Variants in DNAH7 observed in about 807,000 individuals in gnomAD.
DNAH7 encodes the protein dynein axonemal heavy chain 7, also known as axonemal beta dynein heavy chain 7.
Under a neutral mutation model 444.6 loss-of-function variants are expected in DNAH7, and 397 were observed. The ratio of observed to expected loss-of-function variants is 0.89; its 90% CI spans 0.82 to 0.97. The LOEUF (loss-of-function observed/expected upper bound fraction) is 0.97. Ranked by LOEUF, DNAH7 falls within the 50% of genes least tolerant of loss-of-function variation. DNAH7 has a pLI of 0.00. For missense variants in DNAH7, 4,902 were observed against 4,800.8 expected (o/e 1.02, Z -0.62); for synonymous variants, 1,636 against 1,624.4 (o/e 1.01, Z -0.17).
In DNAH7 at chr2:195,738,057, G is replaced by GTCT. The variant is rs780577995; in HGVS notation, c.11936_11938dup (p.Lys3979dup). 1 of 1,614,004 alleles carries GTCT rather than the reference G, an allele frequency of 6.2e-7. No homozygotes were observed. The highest frequency in any genetic ancestry group is 1.1e-5 in the South Asian group (1 of 91,080). On this transcript the variant is annotated inframe_insertion, in exon 65 of 65. Coordinates refer to ENST00000312428, the MANE Select transcript of DNAH7 (RefSeq NM_018897.3). ...GGATAATACTCCTCTCCGCTCACTT[G>GTCT]TCTTATACAATGGAGCAACATAACT...
intron 22 of DNAH7, among the ~76,000 whole-genome samples, chr2:195,924,570 G>C: frequency 6.6e-6 from 1 of 151,608 alleles, no homozygotes. Context: ...CTCCAGCCTG[G>C]GTGACAGAGC....
chr2:195,991,135 G>GAA (rs1693312345), intron 12 of DNAH7, among the ~76,000 whole-genome samples: 1 of 151,360 alleles, frequency 6.6e-6, no homozygotes, highest in Non-Finnish European at 1.5e-5. Context: ...CTTTTTTCTG[G>GAA]CTGTTTTTTA....
chr2:195,855,937 C>T lies in DNAH7; in HGVS notation c.8469G>A (p.Glu2823=). ...KKIKLAAAEG[E]LKIAMDGLRK... ...TAAGACCATCCATGGCAATTTTAAGCTCCCCTTCAGCTGCAGCCAGTTTTA... is the reference window on the plus strand; with the variant it reads ...TAAGACCATCCATGGCAATTTTAAGTTCCCCTTCAGCTGCAGCCAGTTTTA... Residue 2823 remains glutamate (E), a synonymous_variant, in exon 45 of 65, where the codon GAG becomes GAA. Coordinates refer to ENST00000312428, the MANE Select transcript of DNAH7 (RefSeq NM_018897.3). 4 of 1,613,966 alleles carry T rather than the reference C, an allele frequency of 2.5e-6. No individual in the cohort carries two copies. The highest frequency in any genetic ancestry group is 1.1e-5 in the South Asian group (1 of 91,050).
chr2:195,970,482 C>T (rs1691768630), intron 16 of DNAH7, among the ~76,000 whole-genome samples: 1 of 151,866 alleles, frequency 6.6e-6, no homozygotes, highest in Non-Finnish European at 1.5e-5. Flanking sequence ...CAATTTTTAC[C>T]TATGCTATTT....
intron 21 of DNAH7, among the ~76,000 whole-genome samples, chr2:195,932,677 C>A (rs1248405187): frequency 2.6e-5 from 4 of 152,170 alleles, no homozygotes; most frequent in Non-Finnish European, 5.9e-5. Context: ...TTGAGATAAT[C>A]ATGTGGTTTT....
At chr2:195,904,353 C>T (rs1454662412) in intron 27 of DNAH7, 2 of 152,506 alleles carry the variant, frequency 1.3e-5, no homozygotes, top group Non-Finnish European at 2.9e-5. Flanking sequence ...AAAGAGGAGG[C>T]TTAGAGGAGC....
intron 40 of DNAH7, among the ~76,000 whole-genome samples, chr2:195,869,119 G>A (rs774553609): frequency 2.0e-5 from 3 of 151,904 alleles, no homozygotes; most frequent in Admixed American, 6.6e-5. Context: ...GAGTGAAAGT[G>A]AAGAAAAGGG....
intron 6 of DNAH7, among the ~76,000 whole-genome samples, chr2:196,027,445 GTTA>G (rs1055067099): frequency 4.0e-5 from 6 of 151,680 alleles, no homozygotes; most frequent in Non-Finnish European, 5.9e-5. Context: ...TTTAAAACAA[GTTA>G]TTATTTCTAT....
At chr2:196,056,693 G>T (rs867568411) in intron 2 of DNAH7, among the ~76,000 whole-genome samples, 5 of 152,200 alleles carry the variant, frequency 3.3e-5, no homozygotes, top group Admixed American at 6.5e-5. Flanking sequence ...GTTGCCTACT[G>T]TGCTAATCAA....
intron 2 of DNAH7, among the ~76,000 whole-genome samples, 174 bp from the exon 3 acceptor site, chr2:196,051,423 A>G (rs1334777535): frequency 2.0e-5 from 3 of 152,236 alleles, no homozygotes; most frequent in Admixed American, 2.0e-4. Flanking sequence ...TGTTTTCTTT[A>G]GAGCAAGAAA....
chr2:195,853,667 G>T, intron 45 of DNAH7, 139 bp from the exon 46 acceptor site: 1 of 787,062 alleles, frequency 1.3e-6, no homozygotes, highest in South Asian at 2.2e-5. Flanking sequence ...CTATGATATA[G>T]GAAAGTCCAT....
chr2:195,870,215 T>C (rs1700592438), intron 40 of DNAH7, among the ~76,000 whole-genome samples: 1 of 152,194 alleles, frequency 6.6e-6, no homozygotes, highest in African/African-American at 2.4e-5. Flanking sequence ...GCTATTCTCA[T>C]AAAGTTTCTA....
Position 196,026,777 on chromosome 2 carries a change from C to T in DNAH7, c.650G>A (p.Ser217Asn), listed in dbSNP as rs867637985. 3 of 1,610,052 alleles carry T rather than the reference C, an allele frequency of 1.9e-6. No individual in the cohort carries two copies. Among genetic ancestry groups the T allele is most frequent in the Non-Finnish European group, 1.7e-6 (2 of 1,177,452 alleles). The stretch of plus-strand genomic sequence containing the variant: ...CAATTTACCTATGGATTTCCTTACA[C>T]TAAGAAGATAATCCTCTCTCATTTC... ...SDEMREDYLL[S>N]VRKSIVDFVL... Residue 217 changes from serine (S) to asparagine (N), a missense_variant, in exon 7 of 65, where the codon AGT becomes AAT. Ser to Asn is a conservative substitution (Grantham distance 46). Transcript: ENST00000312428.
chr2:195,972,249 C>A lies in DNAH7; in HGVS notation c.2051G>T (p.Gly684Val), dbSNP rs1186031930. Reference sequence around the variant, plus strand: ...AATATCTAAGATGCCAACCTTCAGACCTTCTTGATATTGTTCTATTTTCTC... The same window carrying A: ...AATATCTAAGATGCCAACCTTCAGAACTTCTTGATATTGTTCTATTTTCTC... ...IKEKIEQYQE[G>V]LKLRCERFVE... Residue 684 changes from glycine (G) to valine (V), a missense_variant, in exon 16 of 65, where the codon GGT becomes GTT. Physicochemically the swap from Gly to Val is moderately radical, Grantham distance 109. Transcript: ENST00000312428. 1.2e-6 allele frequency: 2 copies of A among 1,612,612 alleles called. No individual in the cohort carries two copies. Among genetic ancestry groups the A allele is most frequent in the African/African-American group, 2.7e-5 (2 of 74,978 alleles).
rs141043059 is a variant in DNAH7 at position 195,914,004 on chromosome 2, G to A, written c.3936-3809C>T. ...GCTGAGATTACAGGCGCGAGCCACC[G>A]TGCCAAGTCGCAGATCTTTTATTAA... On this transcript the variant is annotated intron_variant, in intron 24 of 64. Transcript: ENST00000312428. Among the ~76,000 whole-genome samples, 152 of 152,270 alleles carry A rather than the reference G, an allele frequency of 1.0e-3. 1 individual carries two copies. The highest frequency in any genetic ancestry group is 5.8e-4 in the East Asian group (3 of 5,188).
At chr2:196,003,868 A>G (rs1183773523) in intron 10 of DNAH7, among the ~76,000 whole-genome samples, 2 of 152,214 alleles carry the variant, frequency 1.3e-5, no homozygotes, top group Admixed American at 1.3e-4. Context: ...TAGCACTCCC[A>G]TCTCACAAAT....
At chr2:196,066,539 G>A (rs575793106) in intron 1 of DNAH7, among the ~76,000 whole-genome samples, 4 of 152,182 alleles carry the variant, frequency 2.6e-5, no homozygotes, top group East Asian at 1.9e-4. Flanking sequence ...CCTGGTCTTC[G>A]GATATTTGTG....
At chr2:195,842,432 G>A (rs949857990) in intron 47 of DNAH7, among the ~76,000 whole-genome samples, 4 of 152,034 alleles carry the variant, frequency 2.6e-5, no homozygotes, top group Non-Finnish European at 4.4e-5. Context: ...AGATACTATC[G>A]TTGTCAAGCA....
chr2:196,001,574 A>G, intron 11 of DNAH7, 101 bp downstream of exon 11: 1 of 1,145,230 alleles, frequency 8.7e-7, no homozygotes, highest in Non-Finnish European at 1.2e-6. Flanking sequence ...CTAAAGATGT[A>G]CTTTCTGCCC....
Sources: gnomAD v4.1 joint callset for allele counts (sites outside exome capture counted in the v4.1 genomes callset) on GRCh38, gnomAD v4.1.1 for gene constraint, MANE v1.5 for transcripts, NCBI Gene and HGNC (gene_info 2026-07-23, HGNC 2026-07-21) for gene names.